The following PCGF5 variants were observed in gnomAD, a reference collection of about 807,000 sequenced individuals.
PCGF5 encodes polycomb group ring finger 5.
A neutral mutation model predicts 44.3 loss-of-function variants in PCGF5; 9 were observed. That is an observed-to-expected ratio of 0.20 (90% confidence interval 0.12 to 0.35). PCGF5 has a LOEUF of 0.35. PCGF5 is among the 10% of genes least tolerant of loss of function. The pLI is 1.00. For synonymous variants in PCGF5, 95 were observed against 102.5 expected (o/e 0.93, Z 0.44); for missense variants, 146 against 305.3 (o/e 0.48, Z 3.89).
chr10:91,235,216 G>T (rs934307276), intron 2 of PCGF5, among the ~76,000 whole-genome samples: 1 of 152,154 alleles, frequency 6.6e-6, no homozygotes, highest in Non-Finnish European at 1.5e-5. Flanking sequence ...ATTGGTCTGG[G>T]ATGGAGCCTG....
chr10:91,283,796 A>G lies in PCGF5; in HGVS notation c.*5480A>G, dbSNP rs1307940768. ...GAGTAGCCCTCACAATCAAAATATCATAGAATATATTGTAAAGTTATGTTG... is the reference window on the plus strand; with the variant it reads ...GAGTAGCCCTCACAATCAAAATATCGTAGAATATATTGTAAAGTTATGTTG... On this transcript the variant is annotated 3_prime_UTR_variant, in exon 10 of 10. Coordinates refer to ENST00000336126, the MANE Select transcript of PCGF5 (RefSeq NM_032373.5). 1.3e-5 allele frequency: 2 copies of G among 152,532 alleles called. No individual in the cohort carries two copies. The highest frequency in any genetic ancestry group is 1.3e-4 in the Admixed American group (2 of 15,286). 9.4% of individuals were successfully genotyped at this position (152,532 alleles called of 1,614,324 possible).
At chr10:91,228,019 T>C (rs1283382379) in intron 2 of PCGF5, 3 of 815,616 alleles carry the variant, frequency 3.7e-6, no homozygotes, top group Non-Finnish European at 4.4e-6. Flanking sequence ...ACTTGAAACA[T>C]GTAGGCATTG....
At chr10:91,224,497 T>C (rs1213017185) in intron 2 of PCGF5, among the ~76,000 whole-genome samples, 1 of 151,774 alleles carries the variant, frequency 6.6e-6, no homozygotes, top group African/African-American at 2.4e-5. Context: ...GAAAACTAAT[T>C]TTAAAAATGC....
At chr10:91,161,011 C>T (rs922823315), upstream of PCGF5, among the ~76,000 whole-genome samples, 1 of 152,216 alleles carries the variant, frequency 6.6e-6, no homozygotes, top group African/African-American at 2.4e-5. Context: ...CTCCTGCTTT[C>T]CACCACTGGG....
chr10:91,274,276 G>A (rs529748350), intron 9 of PCGF5, among the ~76,000 whole-genome samples: 1 of 152,250 alleles, frequency 6.6e-6, no homozygotes, highest in East Asian at 1.9e-4. Context: ...ATATCAGCAG[G>A]TGCTTCGATC....
chr10:91,212,616 A>G (rs1844472825), intron 1 of PCGF5, among the ~76,000 whole-genome samples: 2 of 152,222 alleles, frequency 1.3e-5, no homozygotes, highest in African/African-American at 4.8e-5. Flanking sequence ...CAAAGTGGAA[A>G]ATAACTATGA....
At position 91,251,341 on chromosome 10, in the gene PCGF5, A is replaced by G; in HGVS notation, c.375A>G (p.Glu125=). The G allele has an allele frequency of 6.2e-7, 1 of 1,611,066 alleles. No individual in the cohort carries two copies. Among genetic ancestry groups the G allele is most frequent in the South Asian group, 1.1e-5 (1 of 91,000 alleles). ...DKPKVDEEGD[E]NEDDKDYHRS... Reference sequence around the variant, plus strand: ...CGAAAGTAGATGAAGAAGGTGATGAAAATGAAGATGATAAAGATTATCACA... The same window carrying G: ...CGAAAGTAGATGAAGAAGGTGATGAGAATGAAGATGATAAAGATTATCACA... Residue 125 remains glutamate, a synonymous_variant, in exon 6 of 10, where the codon GAA becomes GAG. Coordinates refer to ENST00000336126, the MANE Select transcript of PCGF5 (RefSeq NM_032373.5).
chr10:91,230,509 T>G (rs1367013695), intron 2 of PCGF5, among the ~76,000 whole-genome samples: 1 of 152,182 alleles, frequency 6.6e-6, no homozygotes, highest in Non-Finnish European at 1.5e-5. Flanking sequence ...TCAGAATATA[T>G]ATGTATTCAT....
chr10:91,281,047 GA>G lies in PCGF5; in HGVS notation c.*2732del. 6.6e-6 allele frequency: 1 copy of G among 152,560 alleles called. No homozygotes were observed. Among genetic ancestry groups the G allele is most frequent in the East Asian group, 1.9e-4 (1 of 5,192 alleles). 9.5% of individuals were successfully genotyped at this position (152,560 alleles called of 1,614,324 possible). On this transcript the variant is annotated 3_prime_UTR_variant, in exon 10 of 10. Coordinates refer to ENST00000336126, the MANE Select transcript of PCGF5 (RefSeq NM_032373.5). Reference sequence around the variant, plus strand: ...AGTATAAAAGGGTCAAGGGAACTTAGATATAAAGAATGACTGTGGTTTATAA... The same window carrying G: ...AGTATAAAAGGGTCAAGGGAACTTAGTATAAAGAATGACTGTGGTTTATAA...
At chr10:91,250,448 C>T (rs1416700687) in intron 5 of PCGF5, among the ~76,000 whole-genome samples, 1 of 150,222 alleles carries the variant, frequency 6.7e-6, no homozygotes, top group Middle Eastern at 3.2e-3. Flanking sequence ...TTTATATGTG[C>T]ATGCATAGTC....
upstream of PCGF5, among the ~76,000 whole-genome samples, chr10:91,159,270 A>T (rs973807967): frequency 2.4e-4 from 36 of 152,124 alleles, no homozygotes; most frequent in Non-Finnish European, 1.5e-5. Flanking sequence ...GCCTATATTT[A>T]ATGAGTACTG....
chr10:91,210,853 A>G (rs1007219997), intron 1 of PCGF5, among the ~76,000 whole-genome samples: 1 of 152,232 alleles, frequency 6.6e-6, no homozygotes, highest in African/African-American at 2.4e-5. Context: ...AGATAGTAGT[A>G]AGTAGGAGAG....
In PCGF5 at chr10:91,282,985, A is replaced by G. The variant is rs1393225153; in HGVS notation, c.*4669A>G. ...TTTATGAAAAAGTGAAAAATATTAA[A>G]TACACCAGAGACTCAAACCCTTTCA... On this transcript the variant is annotated 3_prime_UTR_variant, in exon 10 of 10. Transcript: ENST00000336126. 6.6e-6 allele frequency: 1 copy of G among 152,224 alleles called. No individual in the cohort carries two copies. Among genetic ancestry groups the G allele is most frequent in the African/African-American group, 2.4e-5 (1 of 41,454 alleles). 9.4% of individuals were successfully genotyped at this position (152,224 alleles called of 1,614,324 possible).
chr10:91,164,322 C>T (rs763048560), intron 1 of PCGF5, among the ~76,000 whole-genome samples: 2 of 152,196 alleles, frequency 1.3e-5, no homozygotes, highest in Non-Finnish European at 2.9e-5. Context: ...TCCACACTAA[C>T]TTTTGGGGGG....
At chr10:91,272,603 T>G (rs2133453914) in intron 9 of PCGF5, among the ~76,000 whole-genome samples, 1 of 152,184 alleles carries the variant, frequency 6.6e-6, no homozygotes, top group South Asian at 2.1e-4. Flanking sequence ...TGAAACCCTA[T>G]CTCTACAAAA....
At chr10:91,216,024 GT>G (rs1844532878), upstream of PCGF5, among the ~76,000 whole-genome samples, 1 of 152,186 alleles carries the variant, frequency 6.6e-6, no homozygotes, top group African/African-American at 2.4e-5. Context: ...AAATTATTCA[GT>G]TTTTCAATAA....
intron 1 of PCGF5, among the ~76,000 whole-genome samples, chr10:91,221,336 C>G (rs1844673281): frequency 6.6e-6 from 1 of 152,200 alleles, no homozygotes; most frequent in South Asian, 2.1e-4. Context: ...TTTGGAGTTT[C>G]ATGGCAAACC....
intron 6 of PCGF5, among the ~76,000 whole-genome samples, chr10:91,253,727 C>A (rs1333886973): frequency 2.0e-5 from 3 of 151,940 alleles, no homozygotes; most frequent in Non-Finnish European, 4.4e-5. Flanking sequence ...GTTTTCTGTA[C>A]CCTTAATTTT....
intron 1 of PCGF5, among the ~76,000 whole-genome samples, chr10:91,196,311 C>T (rs981493360): frequency 9.2e-5 from 14 of 152,252 alleles, no homozygotes; most frequent in Non-Finnish European, 2.1e-4. Flanking sequence ...GGCCAATAAA[C>T]CATAATCAGA....
Sources: gnomAD v4.1 joint callset for allele counts (sites outside exome capture counted in the v4.1 genomes callset) on GRCh38, gnomAD v4.1.1 for gene constraint, MANE v1.5 for transcripts, NCBI Gene and HGNC (gene_info 2026-07-23, HGNC 2026-07-21) for gene names.